The following ATP8B1 variants were observed in gnomAD, a reference collection of about 807,000 sequenced individuals.
The protein encoded by ATP8B1 is ATPase phospholipid transporting 8B1.
In ATP8B1, 80 loss-of-function variants were observed where a neutral mutation model predicts 149.9. That is an observed-to-expected ratio of 0.53 (90% CI 0.45 to 0.64). The LOEUF is 0.64. ATP8B1 is among the 30% of genes least tolerant of loss of function. The pLI is 0.00. For synonymous variants in ATP8B1, 536 were observed against 562.8 expected (o/e 0.95, Z 0.67); for missense variants, 1,247 against 1,552.6 (o/e 0.80, Z 3.31).
At position 57,650,641 on chromosome 18, in the gene ATP8B1, G is replaced by A. The variant is rs996995199; in HGVS notation, c.3401-144C>T. 6 of 950,234 alleles carry A rather than the reference G, an allele frequency of 6.3e-6. No individual in the cohort carries two copies. In the East Asian group the frequency reaches 1.0e-4, roughly 16 times the overall value. 58.9% of individuals were successfully genotyped at this position (950,234 alleles called of 1,614,324 possible). On this transcript the variant is annotated intron_variant, in intron 26 of 27. Coordinates refer to ENST00000648908, the MANE Select transcript of ATP8B1 (RefSeq NM_001374385.1). ...GTGGATTGCCAGAGCTCAGGAGTTC[G>A]AGACCAGCCTGGGCAACATGGTGAA...
At chr18:57,694,700 A>T (rs764795858) in intron 10 of ATP8B1, 30 bp from the exon 11 acceptor site, 1 of 1,427,002 alleles carries the variant, frequency 7.0e-7, no homozygotes, top group South Asian at 1.2e-5. Flanking sequence ...TGTAGTCATC[A>T]GTTGGGAAAA....
Position 57,654,060 on chromosome 18 carries a change from A to G in ATP8B1, c.2947T>C (p.Trp983Arg). The G allele has an allele frequency of 6.2e-7, 1 of 1,613,898 alleles. No homozygotes were observed. The change falls in exon 24 of 28, where the codon TGG becomes CGG. Residue 983 changes from tryptophan (W) to arginine (R), a missense_variant. Trp to Arg is a moderately radical substitution (Grantham distance 101). This residue lies in a region of ATP8B1 where 230 missense variants were observed against 356.6 expected (regional missense o/e 0.65). Transcript: ENST00000648908. ...GYSAQTAYED[W>R]FITLYNVLYT... ...AGCACGTTGTAGAGGGTGATGAACC[A>G]ATCCTCGTATGCAGTCTGTGAGGGG...
Position 57,691,863 on chromosome 18 carries a change from A to C in ATP8B1, c.1164T>G (p.Ile388Met), listed in dbSNP as rs762225713. The change falls in exon 12 of 28, where the codon ATT (isoleucine) becomes ATG (methionine). Residue 388 changes from isoleucine (I) to methionine (M), a missense_variant. Transcript: ENST00000648908. ...DDTPSYRGFL[I>M]FWGYIIVLNT... ...TGAGAACAATGATATAGCCCCAGAAAATGAGGAATCCACGGTAGGAGGGTG... is the reference window on the plus strand; with the variant it reads ...TGAGAACAATGATATAGCCCCAGAACATGAGGAATCCACGGTAGGAGGGTG... 1 of 1,614,050 alleles carries C rather than the reference A, an allele frequency of 6.2e-7. No individual in the cohort carries two copies. The highest frequency in any genetic ancestry group is 1.7e-5 in the Admixed American group (1 of 60,000).
chr18:57,769,375 G>A lies in ATP8B1; in HGVS notation c.-26+33623C>T, dbSNP rs1291445981. On this transcript the variant is annotated intron_variant, in intron 1 of 27. Transcript: ENST00000648908. ...GGTTCAAATAAAGCTAGTTTCTCTA[G>A]AGCCTTTCTAGGTATGCCCGTGCGC... Among the ~76,000 whole-genome samples the A allele has an allele frequency of 2.0e-5, 3 of 152,106 alleles. No homozygotes were observed. The South Asian group carries it at 6.2e-4, about 32-fold the overall frequency.
chr18:57,669,794 T>G (rs2122713938), intron 17 of ATP8B1, among the ~76,000 whole-genome samples: 1 of 152,056 alleles, frequency 6.6e-6, no homozygotes, highest in African/African-American at 2.4e-5. Context: ...GGACTACAGG[T>G]GTGCACCACC....
chr18:57,765,714 C>T (rs1449641497), intron 1 of ATP8B1, among the ~76,000 whole-genome samples: 1 of 150,854 alleles, frequency 6.6e-6, no homozygotes, highest in African/African-American at 2.4e-5. Context: ...CATTGGCTCA[C>T]ACCTGTAATC....
chr18:57,694,042 A>G (rs1174374121), intron 11 of ATP8B1, among the ~76,000 whole-genome samples: 1 of 152,132 alleles, frequency 6.6e-6, no homozygotes, highest in Non-Finnish European at 1.5e-5. Context: ...TTTTGTTGTA[A>G]TGACTCACAG....
Position 57,681,785 on chromosome 18 carries a change from G to C in ATP8B1, c.1630+2251C>G, listed in dbSNP as rs1395743872. Among the ~76,000 whole-genome samples, 5 of 151,998 alleles carry C rather than the reference G, an allele frequency of 3.3e-5. 1 individual carries two copies. The highest frequency in any genetic ancestry group is 7.4e-5 in the Non-Finnish European group (5 of 68,012). ...CATTGCACTCCAGCCTGGGTGACAAGAGCAAGACTGTCTCAAAAACACAAA... is the reference window on the plus strand; with the variant it reads ...CATTGCACTCCAGCCTGGGTGACAACAGCAAGACTGTCTCAAAAACACAAA... On this transcript the variant is annotated intron_variant, in intron 15 of 27. Coordinates refer to ENST00000648908, the MANE Select transcript of ATP8B1 (RefSeq NM_001374385.1).
At chr18:57,730,957 T>C (rs1032889145) in intron 2 of ATP8B1, among the ~76,000 whole-genome samples, 1 of 152,100 alleles carries the variant, frequency 6.6e-6, no homozygotes, top group South Asian at 2.1e-4. Context: ...AATTTCTGGG[T>C]GCAGTAACAT....
At chr18:57,648,769 C>T in intron 27 of ATP8B1, 57 bp from the exon 28 acceptor site, 1 of 1,524,012 alleles carries the variant, frequency 6.6e-7, no homozygotes, top group Non-Finnish European at 8.9e-7. Flanking sequence ...GGGAGGAGGC[C>T]TGGCCAGACG....
At chr18:57,731,477 T>C (rs1411616997) in intron 2 of ATP8B1, 150 bp downstream of exon 2, 4 of 904,628 alleles carry the variant, frequency 4.4e-6, no homozygotes, top group Non-Finnish European at 7.0e-6. Flanking sequence ...TCCAAGCCCA[T>C]CCACCATTCT....
chr18:57,721,185 C>A lies in ATP8B1; in HGVS notation c.181+10442G>T, dbSNP rs1453649550. 2.3e-5 allele frequency among the ~76,000 whole-genome samples: 3 copies of A among 130,532 alleles called. 1 individual carries two copies. The South Asian group carries it at 8.2e-4, about 36-fold the overall frequency. 85.6% of individuals were successfully genotyped at this position (130,532 alleles called of 152,430 possible). On this transcript the variant is annotated intron_variant, in intron 2 of 27. Transcript: ENST00000648908. ...CATTGAGACTAGGAAGAAACTGCAT[C>A]AACTAACGAGCAAAATCACCAGCTA... is the stretch of plus-strand genomic sequence containing the variant.
intron 1 of ATP8B1, among the ~76,000 whole-genome samples, chr18:57,759,348 G>A (rs142276346): frequency 4.1e-4 from 62 of 152,122 alleles, no homozygotes; most frequent in Admixed American, 1.4e-3. Flanking sequence ...ACCTCTAGGC[G>A]AGATATTTAC....
At chr18:57,670,794 C>T (rs1273163353) in intron 17 of ATP8B1, among the ~76,000 whole-genome samples, 1 of 152,158 alleles carries the variant, frequency 6.6e-6, no homozygotes, top group Non-Finnish European at 1.5e-5. Context: ...CTACCCCCTC[C>T]CTCTGGGGTT....
intron 1 of ATP8B1, among the ~76,000 whole-genome samples, chr18:57,780,270 T>G (rs2080345822): frequency 6.6e-6 from 1 of 152,228 alleles, no homozygotes; most frequent in African/African-American, 2.4e-5. Context: ...CTTGTGAAAT[T>G]TGTTTAAAGT....
In ATP8B1 at chr18:57,701,195, G is replaced by A. The variant is rs369220095; in HGVS notation, c.492+20C>T. 2.0e-5 allele frequency: 33 copies of A among 1,612,966 alleles called. No individual in the cohort carries two copies. Among genetic ancestry groups the A allele is most frequent in the African/African-American group, 5.3e-5 (4 of 74,896 alleles). ...GTCAACTCAAAGCAATGAGTAGAAC[G>A]TTGTATGAGAAATCCTCACCACATC... is the stretch of plus-strand genomic sequence containing the variant. On this transcript the variant is annotated intron_variant, in intron 5 of 27. Coordinates refer to ENST00000648908, the MANE Select transcript of ATP8B1 (RefSeq NM_001374385.1).
Position 57,784,288 on chromosome 18 carries a change from C to T in ATP8B1, c.-26+18710G>A, listed in dbSNP as rs1026442374. 1.3e-5 allele frequency among the ~76,000 whole-genome samples: 2 copies of T among 152,144 alleles called. No individual in the cohort carries two copies. The highest frequency in any genetic ancestry group is 4.8e-5 in the African/African-American group (2 of 41,436). On this transcript the variant is annotated intron_variant, in intron 1 of 27. Coordinates refer to ENST00000648908, the MANE Select transcript of ATP8B1 (RefSeq NM_001374385.1). The surrounding 1 kb of genome is among the most constrained non-coding windows in gnomAD (Gnocchi z 4.4). Reference sequence around the variant, plus strand: ...GGAGAGAAGGTAGCTGTTGTTAAAACCACAGCATGAGCTACTGCAAGGGTT... The same window carrying T: ...GGAGAGAAGGTAGCTGTTGTTAAAATCACAGCATGAGCTACTGCAAGGGTT...
At chr18:57,737,921 G>C (rs72948039) in intron 1 of ATP8B1, 12,835 of 152,416 alleles carry the variant, frequency 0.084, 752 homozygotes, top group Non-Finnish European at 0.12. Context: ...CAGTGAGAAA[G>C]CAGGAGCAGG....
At chr18:57,748,610 CAG>C (rs1403349498) in intron 1 of ATP8B1, among the ~76,000 whole-genome samples, 3 of 152,182 alleles carry the variant, frequency 2.0e-5, no homozygotes, top group Non-Finnish European at 4.4e-5. Flanking sequence ...TTCCAACAAA[CAG>C]AGGACTCCAC....
Sources: allele counts gnomAD v4.1 joint callset (sites outside exome capture counted in the v4.1 genomes callset), GRCh38; gene constraint gnomAD v4.1.1; regional missense constraint gnomAD v4.1.1; non-coding constraint Gnocchi (gnomAD v3.1); transcripts MANE v1.5; gene names NCBI Gene and HGNC (gene_info 2026-07-23, HGNC 2026-07-21).